The following RGPD8 variants were observed in gnomAD, a reference collection of about 807,000 sequenced individuals.
The protein encoded by RGPD8 is RANBP2-like and GRIP domain-containing protein 8.
In RGPD8, 15 loss-of-function variants were observed where a neutral mutation model predicts 89.1. The observed-to-expected ratio is 0.17, with a 90% CI of 0.11 to 0.26. RGPD8 has a LOEUF of 0.26. Ranked by LOEUF, RGPD8 falls within the 10% of genes least tolerant of loss-of-function variation. The pLI, the probability that RGPD8 is intolerant of heterozygous loss-of-function variation, is 1.00. For synonymous variants in RGPD8, 62 were observed against 420.9 expected (o/e 0.15, Z 10.44); for missense variants, 178 against 1,179.6 (o/e 0.15, Z 12.44).
chr2:112,374,855 A>AT (rs1678072248), intron 22 of RGPD8, among the ~76,000 whole-genome samples: 3 of 96,198 alleles, frequency 3.1e-5, no homozygotes, highest in Non-Finnish European at 6.0e-5. Flanking sequence ...TGTAGTTTAC[A>AT]TTCTTTTTTT....
chr2:112,420,164 T>C (rs1679524910), intron 4 of RGPD8, among the ~76,000 whole-genome samples: 1 of 99,656 alleles, frequency 1.0e-5, no homozygotes, highest in African/African-American at 4.3e-5. Flanking sequence ...AGCAAGACTC[T>C]GTCTCAAAAA....
At chr2:112,402,524 A>AAAAG (rs1678907825) in intron 9 of RGPD8, among the ~76,000 whole-genome samples, 1 of 151,782 alleles carries the variant, frequency 6.6e-6, no homozygotes, top group Non-Finnish European at 1.5e-5. Flanking sequence ...AAAAGAAAAG[A>AAAAG]AAAGAAAAGG....
At chr2:112,416,088 C>CAAAA (rs1168507298) in intron 6 of RGPD8, among the ~76,000 whole-genome samples, 747 of 88,816 alleles carry the variant, frequency 8.4e-3, no homozygotes, top group East Asian at 0.011. Flanking sequence ...GACTCCATCT[C>CAAAA]AAAAAAAAAA....
At position 112,370,213 on chromosome 2, in the gene RGPD8, C is replaced by T. The variant is rs770937856; in HGVS notation, c.5264-1G>A. The T allele has an allele frequency of 6.1e-5, 94 of 1,531,684 alleles. 5 individuals are homozygous for T. The South Asian group carries it at 7.9e-4, about 13-fold the overall frequency. 94.9% of individuals were successfully genotyped at this position (1,531,684 alleles called of 1,614,324 possible). Reference sequence around the variant, plus strand: ...GAACGGGAAGGATTTTCTTCCTCATCTTTAGAAAGTAAAACAAAGAAAAAA... The same window carrying T: ...GAACGGGAAGGATTTTCTTCCTCATTTTTAGAAAGTAAAACAAAGAAAAAA... On this transcript the variant is annotated splice_acceptor_variant, in intron 22 of 22. Transcript: ENST00000302558. LOFTEE classifies it high-confidence loss of function.
intron 1 of RGPD8, among the ~76,000 whole-genome samples, chr2:112,426,304 T>C (rs1189591703): frequency 3.3e-5 from 5 of 152,202 alleles, no homozygotes; most frequent in Middle Eastern, 3.4e-3. Context: ...GTGGCTAGTA[T>C]GTAACTAGCG....
At chr2:112,424,216 A>C in intron 2 of RGPD8, 24 bp downstream of exon 2, 1 of 1,582,172 alleles carries the variant, frequency 6.3e-7, no homozygotes, top group Non-Finnish European at 8.5e-7. Context: ...AAAAAAAAGA[A>C]TACATGTTAC....
intron 3 of RGPD8, 127 bp downstream of exon 3, chr2:112,422,421 T>A: frequency 2.2e-6 from 3 of 1,394,886 alleles, no homozygotes; most frequent in East Asian, 2.5e-5. Flanking sequence ...CTGTGTCACA[T>A]AATTGTACTA....
Position 112,417,299 on chromosome 2 carries a change from T to C in RGPD8, c.676A>G (p.Ser226Gly). ...ESLQCLESDK[S>G]DWRATNTDLL... ...TCTGTATTGGTTGCTCGCCAGTCAC[T>C]TTTATCAGACTCCAAACACTGTAAA... Residue 226 changes from serine (S) to glycine (G), a missense_variant, in exon 6 of 23, where the codon AGT (serine) becomes GGT (glycine). By Grantham distance (56) the Ser-to-Gly change is moderately conservative. Transcript: ENST00000302558. 1 of 1,610,312 alleles carries C rather than the reference T, an allele frequency of 6.2e-7. No individual in the cohort carries two copies. The highest frequency in any genetic ancestry group is 1.7e-5 in the Admixed American group (1 of 59,976).
At chr2:112,413,658 T>A (rs551989297) in intron 6 of RGPD8, among the ~76,000 whole-genome samples, 2 of 137,652 alleles carry the variant, frequency 1.5e-5, no homozygotes, top group Admixed American at 7.1e-5. Context: ...CCAAAAAAAA[T>A]TTATATATTA....
intron 1 of RGPD8, 106 bp downstream of exon 1, chr2:112,433,276 C>G (rs1680140161): frequency 7.4e-6 from 9 of 1,215,420 alleles, no homozygotes; most frequent in Non-Finnish European, 6.5e-6. Context: ...GAGCAGCGCC[C>G]GTCGGGAGCC....
At chr2:112,410,287 C>CA (rs1007064621) in intron 7 of RGPD8, among the ~76,000 whole-genome samples, 112 of 142,806 alleles carry the variant, frequency 7.8e-4, no homozygotes, top group Admixed American at 1.2e-3. Context: ...GACTCCATCT[C>CA]AAAAAAAAAT....
intron 1 of RGPD8, among the ~76,000 whole-genome samples, chr2:112,425,589 C>T (rs1377426640): frequency 1.3e-5 from 2 of 151,584 alleles, no homozygotes; most frequent in South Asian, 2.1e-4. Flanking sequence ...CAGAAACCTC[C>T]TTTCTACTAA....
chr2:112,431,628 C>T lies in RGPD8; in HGVS notation c.72+1754G>A, dbSNP rs190429346. 5.9e-5 allele frequency among the ~76,000 whole-genome samples: 9 copies of T among 151,672 alleles called. No homozygotes were observed. In the East Asian group the frequency reaches 1.7e-3, roughly 29 times the overall value. Reference sequence around the variant, plus strand: ...ATGCTACTATTATAATCATGGTCATCCGTGAGTTTCTGGTTTTTTTTTTTT... The same window carrying T: ...ATGCTACTATTATAATCATGGTCATTCGTGAGTTTCTGGTTTTTTTTTTTT... On this transcript the variant is annotated intron_variant, in intron 1 of 22. Coordinates refer to ENST00000302558, the MANE Select transcript of RGPD8 (RefSeq NM_001164463.1).
chr2:112,392,063 T>TA lies in RGPD8; in HGVS notation c.2603-995dup, dbSNP rs1332983663. Among the ~76,000 whole-genome samples, 6 of 25,562 alleles carry TA rather than the reference T, an allele frequency of 2.3e-4. 1 individual carries two copies. The highest frequency in any genetic ancestry group is 9.1e-4 in the Admixed American group (2 of 2,190). 16.8% of individuals were successfully genotyped at this position (25,562 alleles called of 152,430 possible). On this transcript the variant is annotated intron_variant, in intron 18 of 22. Coordinates refer to ENST00000302558, the MANE Select transcript of RGPD8 (RefSeq NM_001164463.1). ...TAAAATATTAAATAAAAAAAAATCT[T>TA]AGTCTGAAGTTTAAGTAGGGACTTT...
At chr2:112,379,062 G>A in intron 21 of RGPD8, among the ~76,000 whole-genome samples, 1 of 60,910 alleles carries the variant, frequency 1.6e-5, no homozygotes, top group Non-Finnish European at 3.3e-5. Context: ...GAAAATTCAG[G>A]AATATAAGAC....
chr2:112,433,341 C>T (rs191778997), intron 1 of RGPD8, 41 bp downstream of exon 1: 23 of 1,362,948 alleles, frequency 1.7e-5, no homozygotes, highest in South Asian at 5.1e-5. Flanking sequence ...CGCCGCCGCC[C>T]GGCCGGGTCG....
intron 6 of RGPD8, among the ~76,000 whole-genome samples, chr2:112,415,603 C>T (rs1260349618): frequency 2.0e-5 from 3 of 150,412 alleles, no homozygotes; most frequent in African/African-American, 4.9e-5. Flanking sequence ...CAACCTGAGG[C>T]AGGAGGATAA....
intron 1 of RGPD8, among the ~76,000 whole-genome samples, chr2:112,430,461 A>G (rs1481124790): frequency 6.6e-6 from 1 of 152,012 alleles, no homozygotes; most frequent in African/African-American, 2.4e-5. Flanking sequence ...GGGGAAAAAA[A>G]GACTCTAAGT....
chr2:112,426,865 C>T (rs1292968072), intron 1 of RGPD8, among the ~76,000 whole-genome samples: 8 of 124,932 alleles, frequency 6.4e-5, no homozygotes, highest in Non-Finnish European at 1.1e-4. Flanking sequence ...CTTGCTCTGT[C>T]GCCAGGCTGG....
Sources: gnomAD v4.1 joint callset for allele counts (sites outside exome capture counted in the v4.1 genomes callset) on GRCh38, gnomAD v4.1.1 for gene constraint, MANE v1.5 for transcripts, NCBI Gene and HGNC (gene_info 2026-07-23, HGNC 2026-07-21) for gene names.